DPP10: variants seen among roughly 807,000 people sequenced by gnomAD.
DPP10 encodes the protein inactive dipeptidyl peptidase 10.
Under a neutral mutation model 120.9 loss-of-function variants are expected in DPP10, and 33 were observed. That is an observed-to-expected ratio of 0.27 (90% confidence interval 0.21 to 0.37). The LOEUF (loss-of-function observed/expected upper bound fraction) is 0.37. Among genes scored for constraint, DPP10 ranks in the 10% least tolerant of loss-of-function variants. The pLI is 1.00. For synonymous variants in DPP10, 337 were observed against 326.1 expected, an observed-to-expected ratio of 1.03 and a Z score of -0.36; for missense variants, 816 against 942.8, an observed-to-expected ratio of 0.87 and a Z score of 1.76.
intron 3 of DPP10, among the ~76,000 whole-genome samples, chr2:115,483,441 A>G (rs149722370): frequency 2.6e-4 from 17 of 66,124 alleles, no homozygotes; most frequent in East Asian, 8.9e-4. Context: ...CTGTCTGTCT[A>G]TCTATCTATC....
At chr2:115,269,286 T>G (rs985385447) in intron 1 of DPP10, among the ~76,000 whole-genome samples, 2 of 152,202 alleles carry the variant, frequency 1.3e-5, no homozygotes, top group African/African-American at 2.4e-5. Context: ...GAATTTTTAT[T>G]AAGACATTTC....
intron 1 of DPP10, among the ~76,000 whole-genome samples, chr2:115,244,013 T>G (rs1390620699): frequency 6.6e-6 from 1 of 151,578 alleles, no homozygotes; most frequent in African/African-American, 2.4e-5. Context: ...TTTTTAGATT[T>G]AAGCCTTTTT....
At chr2:114,879,010 T>C (rs1042429732) in intron 1 of DPP10, among the ~76,000 whole-genome samples, 1 of 152,100 alleles carries the variant, frequency 6.6e-6, no homozygotes, top group Non-Finnish European at 1.5e-5. Context: ...GAAAGGTGTG[T>C]GATTATCTTT....
chr2:115,380,532 G>C (rs1333404829), intron 3 of DPP10, among the ~76,000 whole-genome samples: 1 of 151,870 alleles, frequency 6.6e-6, no homozygotes, highest in Non-Finnish European at 1.5e-5. Flanking sequence ...TCTTTTAATT[G>C]GAGCATTTAG....
intron 1 of DPP10, among the ~76,000 whole-genome samples, chr2:115,210,933 TACAG>T (rs1237344163): frequency 2.6e-5 from 4 of 152,148 alleles, no homozygotes; most frequent in African/African-American, 9.7e-5. Context: ...ATTCTAATGA[TACAG>T]AGAGGAAGAT....
intron 1 of DPP10, among the ~76,000 whole-genome samples, chr2:115,006,031 C>G (rs1701818249): frequency 6.6e-6 from 1 of 152,112 alleles, no homozygotes; most frequent in African/African-American, 2.4e-5. Flanking sequence ...GGCAGAAACC[C>G]TACAAGCCAG....
chr2:115,674,386 T>G (rs1006912891), intron 5 of DPP10, among the ~76,000 whole-genome samples: 1 of 143,568 alleles, frequency 7.0e-6, no homozygotes, highest in African/African-American at 2.5e-5. Context: ...CTTCATGATG[T>G]TTTTTTTTTT....
At chr2:114,749,981 G>T (rs1679050849) in intron 1 of DPP10, among the ~76,000 whole-genome samples, 1 of 152,120 alleles carries the variant, frequency 6.6e-6, no homozygotes, top group South Asian at 2.1e-4. Flanking sequence ...AGAAACATGG[G>T]CATAAAAATG....
intron 5 of DPP10, among the ~76,000 whole-genome samples, chr2:115,558,870 A>G (rs768124399): frequency 6.6e-6 from 1 of 152,196 alleles, no homozygotes; most frequent in Non-Finnish European, 1.5e-5. Flanking sequence ...TCTCTGTTAC[A>G]GTAGGTGCCA....
At chr2:114,636,734 G>A (rs1466044383) in intron 1 of DPP10, among the ~76,000 whole-genome samples, 6 of 151,834 alleles carry the variant, frequency 4.0e-5, no homozygotes, top group African/African-American at 4.9e-5. Context: ...AGAATTTGGG[G>A]TACTATGAGC....
intron 1 of DPP10, among the ~76,000 whole-genome samples, chr2:114,691,084 GCCAGAACCAATA>G (rs1165348113): frequency 1.3e-5 from 2 of 151,820 alleles, no homozygotes; most frequent in Admixed American, 1.3e-4. Flanking sequence ...AATTGCCCTG[GCCAGAACCAATA>G]CCATGTTGAA....
At chr2:114,790,501 A>G (rs753201435) in intron 1 of DPP10, among the ~76,000 whole-genome samples, 3 of 152,280 alleles carry the variant, frequency 2.0e-5, no homozygotes, top group Non-Finnish European at 2.9e-5. Flanking sequence ...GAGGCCACCA[A>G]ACAGGCTTTG....
At chr2:114,803,554 G>A (rs1358339880) in intron 1 of DPP10, among the ~76,000 whole-genome samples, 2 of 152,184 alleles carry the variant, frequency 1.3e-5, no homozygotes, top group African/African-American at 4.8e-5. Flanking sequence ...AGGCTAAGGT[G>A]GTCTCAGATG....
At chr2:115,455,940 T>A (rs1447747266) in intron 3 of DPP10, among the ~76,000 whole-genome samples, 1 of 151,984 alleles carries the variant, frequency 6.6e-6, no homozygotes, top group East Asian at 1.9e-4. Context: ...CTAAAAGCAA[T>A]GGCAACAAAA....
intron 5 of DPP10, among the ~76,000 whole-genome samples, chr2:115,670,444 T>C (rs1350379363): frequency 2.3e-5 from 2 of 87,680 alleles, no homozygotes; most frequent in Non-Finnish European, 4.7e-5. Context: ...AATATTAAAC[T>C]GTGTTCACCA....
chr2:115,083,689 A>G (rs1708464063), intron 1 of DPP10, among the ~76,000 whole-genome samples: 1 of 152,340 alleles, frequency 6.6e-6, no homozygotes, highest in East Asian at 1.9e-4. Context: ...CTTTCAGAGC[A>G]TTTGCTACAG....
intron 5 of DPP10, among the ~76,000 whole-genome samples, chr2:115,553,052 C>T (rs2079973112): frequency 6.6e-6 from 1 of 151,992 alleles, no homozygotes; most frequent in Non-Finnish European, 1.5e-5. Flanking sequence ...CATCGCCTAG[C>T]CTGAGAAATG....
intron 1 of DPP10, among the ~76,000 whole-genome samples, chr2:114,985,285 A>G (rs1438360665): frequency 2.0e-5 from 3 of 152,048 alleles, no homozygotes; most frequent in East Asian, 3.9e-4. Flanking sequence ...AGTCTCACTC[A>G]GTTCTGGGCT....
intron 1 of DPP10, among the ~76,000 whole-genome samples, chr2:115,057,830 T>C (rs184781255): frequency 6.6e-5 from 10 of 152,320 alleles, no homozygotes; most frequent in Admixed American, 6.5e-4. Context: ...TAAGGAGTTA[T>C]GTTGGTCCAA....
Sources: gnomAD v4.1 joint callset for allele counts (sites outside exome capture counted in the v4.1 genomes callset) on GRCh38, gnomAD v4.1.1 for gene constraint, MANE v1.5 for transcripts, NCBI Gene and HGNC (gene_info 2026-07-23, HGNC 2026-07-21) for gene names.